The following TOX2 variants were observed in gnomAD, a reference collection of about 807,000 sequenced individuals.
TOX2 encodes the protein TOX high mobility group box family member 2.
In TOX2, 15 loss-of-function variants were observed where a neutral mutation model predicts 47.4. The observed-to-expected ratio is 0.32, with a 90% CI of 0.21 to 0.49. The LOEUF (loss-of-function observed/expected upper bound fraction) is 0.49, where lower values mean the gene tolerates loss of function less well. TOX2 is among the 20% of genes least tolerant of loss of function. The pLI is 0.99. For missense variants in TOX2, 622 were observed against 673.1 expected (o/e 0.92, Z 0.84); for synonymous variants, 290 against 296.6 (o/e 0.98, Z 0.23).
chr20:44,007,767 G>A (rs748754536), intron 3 of TOX2, among the ~76,000 whole-genome samples: 1 of 152,078 alleles, frequency 6.6e-6, no homozygotes, highest in Non-Finnish European at 1.5e-5. Flanking sequence ...TCAAGCCCGG[G>A]AGGTCAAGGC....
Position 44,066,845 on chromosome 20 carries a change from T to C in TOX2, c.1472T>C (p.Ile491Thr). 1 of 1,613,874 alleles carries C rather than the reference T, an allele frequency of 6.2e-7. No homozygotes were observed. The change falls in exon 8 of 9, where the codon ATC (isoleucine) becomes ACC (threonine). Residue 491 changes from isoleucine to threonine, a missense_variant. Around this residue, in one of 3 missense-constraint regions of TOX2, gnomAD observed 294 missense variants for 300.0 expected, o/e 0.98. Coordinates refer to ENST00000341197, the MANE Select transcript of TOX2 (RefSeq NM_001098797.2). ...AGCTACCCCAGTGGGGAGTGTGGCA[T>C]CAGCACCTGCAGGTTAGTCCTCGCC... ...DSSYPSGECG[I>T]STCSLLPRDK...
At chr20:43,927,458 AACACACACACAC>A (rs34410581) in intron 1 of TOX2, among the ~76,000 whole-genome samples, 4,555 of 131,446 alleles carry the variant, frequency 0.035, 120 homozygotes, top group East Asian at 0.054. Context: ...TGATCTATAT[AACACACACACAC>A]ACACACACAC....
chr20:43,917,181 GGA>G (rs1450439164), intron 1 of TOX2, among the ~76,000 whole-genome samples: 1 of 152,166 alleles, frequency 6.6e-6, no homozygotes, highest in African/African-American at 2.4e-5. Flanking sequence ...AGGCGGGAGG[GGA>G]GAGGTCACTG....
chr20:43,926,676 G>A (rs6103514), intron 1 of TOX2, among the ~76,000 whole-genome samples: 17,024 of 152,184 alleles, frequency 0.11, 1,852 homozygotes, highest in African/African-American at 0.28. Flanking sequence ...CATTGGGGCT[G>A]TCTCTTTTCT....
At chr20:44,019,097 T>C (rs115606505) in intron 3 of TOX2, among the ~76,000 whole-genome samples, 1,781 of 152,220 alleles carry the variant, frequency 0.012, 36 homozygotes, top group African/African-American at 0.041. Flanking sequence ...ACTGACTGAC[T>C]GACTGACTGA....
chr20:44,051,451 T>A lies in TOX2; in HGVS notation c.557T>A (p.Ile186Asn). ...LISQMGIRSSIAHSSPSPPGS... is the reference protein window; with the variant it reads ...LISQMGIRSSNAHSSPSPPGS... ...TCGCAGATGGGCATCCGGAGCAGCATCGCCCACAGCTCCCCATCACCGCCG... is the reference window on the plus strand; with the variant it reads ...TCGCAGATGGGCATCCGGAGCAGCAACGCCCACAGCTCCCCATCACCGCCG... Residue 186 changes from isoleucine to asparagine, a missense_variant, in exon 4 of 9, where the codon ATC becomes AAC. Physicochemically the swap from Ile to Asn is moderately radical, Grantham distance 149. This residue lies in a region of TOX2 where 307 missense variants were observed against 327.3 expected (regional missense o/e 0.94). Coordinates refer to ENST00000341197, the MANE Select transcript of TOX2 (RefSeq NM_001098797.2). 1 of 1,613,944 alleles carries A rather than the reference T, an allele frequency of 6.2e-7. No homozygotes were observed. Among genetic ancestry groups the A allele is most frequent in the Non-Finnish European group, 8.5e-7 (1 of 1,179,908 alleles).
intron 2 of TOX2, among the ~76,000 whole-genome samples, chr20:43,986,599 G>A (rs1035782801): frequency 6.6e-6 from 1 of 151,766 alleles, no homozygotes; most frequent in African/African-American, 2.4e-5. Flanking sequence ...TTATTAACAT[G>A]GTATACTCCC....
At chr20:44,014,726 A>C (rs1439154705) in intron 3 of TOX2, among the ~76,000 whole-genome samples, 2 of 152,176 alleles carry the variant, frequency 1.3e-5, no homozygotes, top group South Asian at 2.1e-4. Flanking sequence ...GGTAAATGTA[A>C]GCTGCTCTGT....
chr20:43,934,161 G>GAGAGAGAGA (rs2069293641), intron 1 of TOX2, among the ~76,000 whole-genome samples: 1 of 150,992 alleles, frequency 6.6e-6, no homozygotes, highest in Admixed American at 6.6e-5. Flanking sequence ...GAGAGAGAGA[G>GAGAGAGAGA]AGAGAGACCT....
chr20:43,919,828 C>G (rs2069094712), intron 1 of TOX2, among the ~76,000 whole-genome samples: 1 of 152,228 alleles, frequency 6.6e-6, no homozygotes, highest in African/African-American at 2.4e-5. Context: ...CCAGCTCCAT[C>G]CATGCCACTG....
At chr20:44,039,288 A>G in intron 3 of TOX2, 2 of 1,289,376 alleles carry the variant, frequency 1.6e-6, no homozygotes, top group Non-Finnish European at 2.0e-6. Context: ...AGAAGCCCAC[A>G]TGTCCCCAGG....
intron 1 of TOX2, among the ~76,000 whole-genome samples, chr20:43,926,347 C>T (rs1031540518): frequency 1.3e-5 from 2 of 152,100 alleles, no homozygotes; most frequent in Non-Finnish European, 2.9e-5. Flanking sequence ...GATGTTGGAT[C>T]CAAATGTGAC....
chr20:43,927,489 A>ACGT, intron 1 of TOX2, among the ~76,000 whole-genome samples: 1 of 150,266 alleles, frequency 6.7e-6, no homozygotes, highest in Non-Finnish European at 1.5e-5. Context: ...ACACACACAC[A>ACGT]CACACACACA....
At position 44,054,541 on chromosome 20, in the gene TOX2, C is replaced by T; in HGVS notation, c.879+15C>T. 6.2e-7 allele frequency: 1 copy of T among 1,609,498 alleles called. No homozygotes were observed. The highest frequency in any genetic ancestry group is 2.2e-5 in the East Asian group (1 of 44,606). The stretch of plus-strand genomic sequence containing the variant: ...AACAGAAGCAGGTGAGCCTCCCTCT[C>T]TTTCTGGGCCATCCCCTGAGGCTTT... On this transcript the variant is annotated intron_variant, in intron 5 of 8. Transcript: ENST00000341197.
intron 2 of TOX2, among the ~76,000 whole-genome samples, chr20:44,001,844 C>T (rs990551761): frequency 1.3e-5 from 2 of 152,218 alleles, no homozygotes; most frequent in African/African-American, 2.4e-5. Context: ...TCCCCCATTT[C>T]CCGTGCCCAT....
At chr20:43,976,401 C>T (rs2070077484) in intron 2 of TOX2, among the ~76,000 whole-genome samples, 1 of 152,166 alleles carries the variant, frequency 6.6e-6, no homozygotes, top group Non-Finnish European at 1.5e-5. Flanking sequence ...GAGAAGGGTT[C>T]CCAGAGCAGC....
chr20:44,009,634 C>T (rs2070746831), intron 3 of TOX2, among the ~76,000 whole-genome samples: 1 of 152,206 alleles, frequency 6.6e-6, no homozygotes. Context: ...AAATAACTCC[C>T]ACATGCTTAG....
chr20:43,981,480 A>C (rs2070167605), intron 2 of TOX2, among the ~76,000 whole-genome samples: 1 of 152,202 alleles, frequency 6.6e-6, no homozygotes, highest in African/African-American at 2.4e-5. Flanking sequence ...CATGGACGCT[A>C]GAGTGGCTTT....
rs1453441380 is a variant in TOX2 at position 43,953,083 on chromosome 20, G to A, written c.100-20284G>A. Among the ~76,000 whole-genome samples, 3 of 152,038 alleles carry A rather than the reference G, an allele frequency of 2.0e-5. No homozygotes were observed. In the East Asian group the frequency reaches 5.8e-4, roughly 29 times the overall value. On this transcript the variant is annotated intron_variant, in intron 1 of 8. Coordinates refer to ENST00000341197, the MANE Select transcript of TOX2 (RefSeq NM_001098797.2). ...ATGAAGATGGAGGAAGGGACCACAA[G>A]CTAAGGAACACAAGCAGCCACTAGA...
Sources: gnomAD v4.1 joint callset for allele counts (sites outside exome capture counted in the v4.1 genomes callset) on GRCh38, gnomAD v4.1.1 for gene constraint, gnomAD v4.1.1 regional missense constraint, MANE v1.5 for transcripts, NCBI Gene and HGNC (gene_info 2026-07-23, HGNC 2026-07-21) for gene names.